The following PPP1R9A variants were observed in gnomAD, a reference collection of about 807,000 sequenced individuals.
PPP1R9A encodes neurabin-1.
PPP1R9A carries 59 observed loss-of-function variants against 141.9 expected under a neutral mutation model. The ratio of observed to expected loss-of-function variants is 0.42; its 90% CI spans 0.34 to 0.52. PPP1R9A has a LOEUF of 0.52. Ranked by LOEUF, PPP1R9A falls within the 20% of genes least tolerant of loss-of-function variation. PPP1R9A has a pLI of 0.10. For missense variants in PPP1R9A, 1,444 were observed against 1,611.9 expected (o/e 0.90, Z 1.78); for synonymous variants, 500 against 569.7 (o/e 0.88, Z 1.74).
intron 2 of PPP1R9A, among the ~76,000 whole-genome samples, chr7:94,982,430 C>T (rs960604693): frequency 2.6e-5 from 4 of 152,194 alleles, no homozygotes; most frequent in African/African-American, 9.6e-5. Context: ...AACTACTTTA[C>T]AGTCCCACCC....
chr7:95,130,236 A>T (rs1320977918), intron 4 of PPP1R9A, among the ~76,000 whole-genome samples: 2 of 152,136 alleles, frequency 1.3e-5, no homozygotes, highest in East Asian at 3.9e-4. Flanking sequence ...CCTGTTTCCC[A>T]GCTGTTCCAG....
intron 2 of PPP1R9A, among the ~76,000 whole-genome samples, chr7:94,986,652 T>C (rs1800875697): frequency 6.6e-6 from 1 of 152,242 alleles, no homozygotes; most frequent in Admixed American, 6.5e-5. Context: ...TTTGAGGTGC[T>C]GCATATCTTA....
chr7:94,977,586 ATAAT>A (rs1308446937), intron 2 of PPP1R9A, among the ~76,000 whole-genome samples: 2 of 152,166 alleles, frequency 1.3e-5, no homozygotes, highest in African/African-American at 4.8e-5. Context: ...TTTAGAGGAG[ATAAT>A]TAAATTGAAG....
intron 2 of PPP1R9A, among the ~76,000 whole-genome samples, chr7:95,063,756 A>G (rs1812581054): frequency 6.6e-6 from 1 of 152,218 alleles, no homozygotes; most frequent in Admixed American, 6.5e-5. Flanking sequence ...GATGATTCTC[A>G]TCAGGAGAGT....
intron 2 of PPP1R9A, among the ~76,000 whole-genome samples, chr7:94,921,540 G>A (rs1412410447): frequency 1.3e-5 from 2 of 151,694 alleles, no homozygotes; most frequent in East Asian, 1.9e-4. Context: ...GTGCAAAATT[G>A]TTTTGTAAAG....
intron 16 of PPP1R9A, among the ~76,000 whole-genome samples, chr7:95,277,016 C>T (rs1206888631): frequency 1.3e-5 from 2 of 152,126 alleles, no homozygotes; most frequent in African/African-American, 4.8e-5. Context: ...GCTGCAGGGT[C>T]GCACTATGAT....
chr7:95,140,566 T>C (rs1392727777), intron 4 of PPP1R9A, among the ~76,000 whole-genome samples: 1 of 152,138 alleles, frequency 6.6e-6, no homozygotes, highest in Non-Finnish European at 1.5e-5. Context: ...TTTTTTTGTA[T>C]TTTTAGTATA....
At chr7:95,174,636 T>C (rs541463041) in intron 5 of PPP1R9A, among the ~76,000 whole-genome samples, 1 of 152,258 alleles carries the variant, frequency 6.6e-6, no homozygotes, top group South Asian at 2.1e-4. Flanking sequence ...CTGTGTCTCT[T>C]TAACAAAGGC....
intron 2 of PPP1R9A, among the ~76,000 whole-genome samples, chr7:95,028,471 A>G (rs889629784): frequency 6.6e-6 from 1 of 152,198 alleles, no homozygotes; most frequent in African/African-American, 2.4e-5. Flanking sequence ...TTAAAAATTA[A>G]CACAACACAT....
At chr7:95,286,097 G>T in intron 17 of PPP1R9A, 109 bp from the exon 18 acceptor site, 1 of 1,478,060 alleles carries the variant, frequency 6.8e-7, no homozygotes, top group African/African-American at 1.4e-5. Flanking sequence ...AATCATACAT[G>T]AATTTCTGCT....
chr7:95,283,978 C>T (rs775962148), intron 16 of PPP1R9A, 40 bp from the exon 17 acceptor site: 169 of 1,471,984 alleles, frequency 1.1e-4, no homozygotes, highest in Non-Finnish European at 1.4e-4. Flanking sequence ...TTTTATCCGC[C>T]CTTTCTTTAT....
chr7:94,989,122 C>T (rs1801197152), intron 2 of PPP1R9A, among the ~76,000 whole-genome samples: 1 of 151,882 alleles, frequency 6.6e-6, no homozygotes, highest in Admixed American at 6.6e-5. Context: ...TGAGAATGTG[C>T]ATTTCTAACA....
chr7:95,239,981 G>T (rs1797222672), intron 8 of PPP1R9A, among the ~76,000 whole-genome samples: 1 of 151,926 alleles, frequency 6.6e-6, no homozygotes, highest in Non-Finnish European at 1.5e-5. Flanking sequence ...ACAACAGATA[G>T]TTATACTCTC....
intron 5 of PPP1R9A, among the ~76,000 whole-genome samples, chr7:95,167,766 T>G (rs954558000): frequency 6.6e-6 from 1 of 150,970 alleles, no homozygotes; most frequent in Non-Finnish European, 1.5e-5. Context: ...AATAATGAAC[T>G]AGCTGAGAAA....
chr7:95,020,568 C>T (rs568128882), intron 2 of PPP1R9A, among the ~76,000 whole-genome samples: 4 of 152,158 alleles, frequency 2.6e-5, no homozygotes, highest in Non-Finnish European at 5.9e-5. Context: ...CCCATCAACC[C>T]GTCATCTACA....
chr7:94,910,105 G>A lies in PPP1R9A; in HGVS notation c.-9G>A, dbSNP rs1791287672. ...TTATGAACATTGGCTTTTCACCCCT[G>A]AAGTGAAAATGTTGAAAACTGAGTC... On this transcript the variant is annotated 5_prime_UTR_variant, in exon 2 of 20. Coordinates refer to ENST00000433360, the MANE Select transcript of PPP1R9A (RefSeq NM_001166160.2). The surrounding 1 kb of genome is among the most constrained non-coding windows in gnomAD (Gnocchi z 4.5). The A allele has an allele frequency of 6.3e-7, 1 of 1,593,026 alleles. No homozygotes were observed. Among genetic ancestry groups the A allele is most frequent in the Admixed American group, 1.8e-5 (1 of 54,798 alleles).
intron 2 of PPP1R9A, among the ~76,000 whole-genome samples, chr7:95,038,194 C>T (rs1808723942): frequency 6.6e-6 from 1 of 152,002 alleles, no homozygotes; most frequent in Admixed American, 6.6e-5. Context: ...TTTTCTTGGA[C>T]CCTGAAGCAG....
At chr7:95,073,879 G>C (rs1371714045) in intron 2 of PPP1R9A, among the ~76,000 whole-genome samples, 1 of 151,864 alleles carries the variant, frequency 6.6e-6, no homozygotes, top group Non-Finnish European at 1.5e-5. Context: ...ATGGAACCCA[G>C]CCCATAACTT....
intron 2 of PPP1R9A, among the ~76,000 whole-genome samples, chr7:95,072,937 TA>T (rs1032770529): frequency 4.7e-5 from 6 of 127,906 alleles, no homozygotes; most frequent in Non-Finnish European, 9.4e-5. Flanking sequence ...GCATATATAT[TA>T]TATATATTAT....
Sources: allele counts gnomAD v4.1 joint callset (sites outside exome capture counted in the v4.1 genomes callset), GRCh38; gene constraint gnomAD v4.1.1; non-coding constraint Gnocchi (gnomAD v3.1); transcripts MANE v1.5; gene names NCBI Gene and HGNC (gene_info 2026-07-23, HGNC 2026-07-21).